The following LPA variants were observed in gnomAD, a reference collection of about 807,000 sequenced individuals.
LPA encodes the protein apolipoprotein(a).
A neutral mutation model predicts 197.9 loss-of-function variants in LPA; 199 were observed. The ratio of observed to expected loss-of-function variants is 1.01; its 90% CI spans 0.90 to 1.13. The LOEUF is 1.13. Ranked by LOEUF, LPA falls within the 50% of genes most tolerant of loss-of-function variation. The pLI is 0.00. For synonymous variants in LPA, 715 were observed against 639.5 expected (o/e 1.12, Z -1.78); for missense variants, 1,853 against 1,785.8 (o/e 1.04, Z -0.68).
intron 19 of LPA, among the ~76,000 whole-genome samples, chr6:160,600,374 G>C (rs1779214853): frequency 6.6e-6 from 1 of 152,156 alleles, no homozygotes; most frequent in South Asian, 2.1e-4. Context: ...TCAAAGCTAA[G>C]AACTGCACAA....
intron 15 of LPA, 37 bp from the exon 16 acceptor site, chr6:160,611,758 T>C (rs1282793797): frequency 1.5e-6 from 2 of 1,344,288 alleles, no homozygotes; most frequent in East Asian, 2.4e-5. Context: ...TGAGTATCTC[T>C]GAGAATAACG....
intron 26 of LPA, among the ~76,000 whole-genome samples, chr6:160,580,946 G>GCCACAGGTCATGAATGTGAGGA: frequency 6.6e-6 from 1 of 152,194 alleles, no homozygotes; most frequent in Middle Eastern, 3.4e-3. Flanking sequence ...TTCTTTTACA[G>GCCACAGGTCATGAATGTGAGGA]TTAGTGTTTT....
At chr6:160,647,847 A>T (rs145140034) in intron 2 of LPA, among the ~76,000 whole-genome samples, 2 of 152,366 alleles carry the variant, frequency 1.3e-5, no homozygotes, top group Non-Finnish European at 2.9e-5. Context: ...TCTCATTTAA[A>T]AAGATATAAA....
At chr6:160,569,378 G>T (rs978798114) in intron 28 of LPA, among the ~76,000 whole-genome samples, 5 of 151,828 alleles carry the variant, frequency 3.3e-5, no homozygotes, top group African/African-American at 1.2e-4. Context: ...ACAAGAAATA[G>T]GGAAAGGTTT....
chr6:160,646,720 T>C (rs1779886807), intron 2 of LPA, among the ~76,000 whole-genome samples: 1 of 138,922 alleles, frequency 7.2e-6, no homozygotes, highest in Admixed American at 7.4e-5. Context: ...AATCCATCTC[T>C]CTGGAATAAC....
intron 24 of LPA, among the ~76,000 whole-genome samples, chr6:160,587,750 T>A: frequency 8.2e-6 from 1 of 122,320 alleles, no homozygotes; most frequent in African/African-American, 3.1e-5. Flanking sequence ...AGGTTCAGTC[T>A]TTGTGTGTGT....
chr6:160,573,305 T>C (rs1460810785), intron 28 of LPA, among the ~76,000 whole-genome samples: 2 of 152,158 alleles, frequency 1.3e-5, no homozygotes, highest in Admixed American at 6.5e-5. Flanking sequence ...TTTATTAAGC[T>C]ATCTATTTTG....
chr6:160,531,587 C>A lies in LPA; in HGVS notation c.*142G>T. 8.8e-7 allele frequency: 1 copy of A among 1,132,382 alleles called. No individual in the cohort carries two copies. The highest frequency in any genetic ancestry group is 1.3e-6 in the Non-Finnish European group (1 of 764,518). 70.1% of individuals were successfully genotyped at this position (1,132,382 alleles called of 1,614,324 possible). A position where few individuals can be genotyped will look rare whatever the true frequency, so the allele number is the denominator to read the frequency against. ...CCTTAAAAGCTTATACACAAAAATA[C>A]CAAAAATGCCAAGGTTTGGCATAGC... On this transcript the variant is annotated 3_prime_UTR_variant, in exon 39 of 39. Transcript: ENST00000316300.
At chr6:160,641,068 A>G (rs570596404) in intron 4 of LPA, among the ~76,000 whole-genome samples, 1 of 139,500 alleles carries the variant, frequency 7.2e-6, no homozygotes, top group Admixed American at 6.9e-5. Flanking sequence ...TTTAAATAAA[A>G]AATCTAAAGT....
chr6:160,648,651 C>T (rs899483708), intron 2 of LPA, among the ~76,000 whole-genome samples: 3 of 151,802 alleles, frequency 2.0e-5, no homozygotes, highest in African/African-American at 7.3e-5. Context: ...AGGTTCTATG[C>T]AATTATTTTT....
chr6:160,605,213 G>T lies in LPA; in HGVS notation c.2786-8C>A, dbSNP rs1356573261. On this transcript the variant is annotated splice_polypyrimidine_tract_variant and splice_region_variant and intron_variant, in intron 17 of 38. Transcript: ENST00000316300. ...GCCTTTGCTCAGTTGGTGCTGAAAT[G>T]AAAAGAAAAGAAATCAAACTGAGTG... 1.2e-5 allele frequency: 20 copies of T among 1,612,888 alleles called. No homozygotes were observed. Among genetic ancestry groups the T allele is most frequent in the Non-Finnish European group, 1.4e-5 (17 of 1,179,710 alleles).
chr6:160,657,748 C>A (rs1293126313), intron 1 of LPA, among the ~76,000 whole-genome samples: 1 of 152,152 alleles, frequency 6.6e-6, no homozygotes, highest in Non-Finnish European at 1.5e-5. Context: ...TGCAGAATCC[C>A]TACTTAGTAG....
At chr6:160,598,230 G>A (rs548453106) in intron 20 of LPA, among the ~76,000 whole-genome samples, 1 of 152,190 alleles carries the variant, frequency 6.6e-6, no homozygotes, top group East Asian at 1.9e-4. Flanking sequence ...ATATTTTCTT[G>A]TGGAAAATCT....
rs768388318 is a variant in LPA at position 160,585,176 on chromosome 6, C to T, written c.4159G>A (p.Asp1387Asn). Residue 1387 changes from aspartate (D) to asparagine (N), a missense_variant, in exon 26 of 39, where the codon GAC becomes AAC. Transcript: ENST00000316300. Reference protein sequence around the residue: ...APTENSTGVQDCYRGDGQSYR... With the variant: ...APTENSTGVQNCYRGDGQSYR... ...CTCTGTCCATCACCTCGGTAGCAGT[C>T]CTGGACCCCAGTGCTGTTTTCAGTT... 7 of 1,613,580 alleles carry T rather than the reference C, an allele frequency of 4.3e-6. No individual in the cohort carries two copies. The highest frequency in any genetic ancestry group is 1.1e-5 in the South Asian group (1 of 91,076).
intron 18 of LPA, among the ~76,000 whole-genome samples, chr6:160,604,042 T>C (rs1779296254): frequency 6.6e-6 from 1 of 152,166 alleles, no homozygotes; most frequent in African/African-American, 2.4e-5. Flanking sequence ...TTTCTCTACT[T>C]TCTTGTGGAA....
At chr6:160,646,679 G>A (rs1779886044) in intron 2 of LPA, among the ~76,000 whole-genome samples, 2 of 132,232 alleles carry the variant, frequency 1.5e-5, no homozygotes, top group Non-Finnish European at 3.2e-5. Flanking sequence ...GCCGAAAAAC[G>A]ATCAGAGTAT....
chr6:160,556,036 G>C lies in LPA; in HGVS notation c.4962C>G (p.Asn1654Lys). Residue 1654 changes from asparagine (N) to lysine (K), a missense_variant, in exon 30 of 39, where the codon AAC (asparagine) becomes AAG (lysine). This residue lies in a region of LPA where 1,737 missense variants were observed against 1,504.4 expected (regional missense o/e 1.15). Transcript: ENST00000316300. ...CATCAAAGACATACTCATTTGGGTA[G>C]TTTTCTGGGGTCCTCTGATGCCGGT... is the stretch of plus-strand genomic sequence containing the variant. The part of the protein sequence containing the change: ...TPHRHQRTPE[N>K]YPNDGLTMNY... The C allele has an allele frequency of 6.2e-7, 1 of 1,610,016 alleles. No individual in the cohort carries two copies. Among genetic ancestry groups the C allele is most frequent in the Non-Finnish European group, 8.5e-7 (1 of 1,176,498 alleles).
Position 160,595,368 on chromosome 6 carries a change from G to A in LPA, c.3455C>T (p.Ala1152Val), listed in dbSNP as rs1309558587. Residue 1152 changes from alanine (A) to valine (V), a missense_variant, in exon 21 of 39, where the codon GCT (alanine) becomes GTT (valine). Around this residue, in one of 3 missense-constraint regions of LPA, gnomAD observed 1,737 missense variants for 1,504.4 expected, o/e 1.15. Coordinates refer to ENST00000316300, the MANE Select transcript of LPA (RefSeq NM_005577.4). ...AGACTTCCTACCTTCTTCAGAAGAA[G>A]CCTCTGTGCTTGGATCTGGGACCAC... ...LTVVPDPSTE[A>V]SSEEAPTEQS... 1 of 1,612,638 alleles carries A rather than the reference G, an allele frequency of 6.2e-7. No homozygotes were observed. The highest frequency in any genetic ancestry group is 2.2e-5 in the East Asian group (1 of 44,882).
chr6:160,549,717 A>G (rs2115005270), intron 30 of LPA, among the ~76,000 whole-genome samples: 1 of 152,360 alleles, frequency 6.6e-6, no homozygotes, highest in African/African-American at 2.4e-5. Flanking sequence ...GGTCCCAGGC[A>G]GGATGCTGTT....
Sources: gnomAD v4.1 joint callset for allele counts (sites outside exome capture counted in the v4.1 genomes callset) on GRCh38, gnomAD v4.1.1 for gene constraint, gnomAD v4.1.1 regional missense constraint, MANE v1.5 for transcripts, NCBI Gene and HGNC (gene_info 2026-07-23, HGNC 2026-07-21) for gene names.